The following FBXO38 variants were observed in gnomAD, a reference collection of about 807,000 sequenced individuals.
FBXO38 encodes F-box only protein 38.
A neutral mutation model predicts 131.9 loss-of-function variants in FBXO38; 53 were observed. The observed-to-expected ratio is 0.40, with a 90% CI of 0.32 to 0.51. The LOEUF (loss-of-function observed/expected upper bound fraction) is 0.51. Among genes scored for constraint, FBXO38 ranks in the 20% least tolerant of loss-of-function variants. The pLI is 0.53. For synonymous variants in FBXO38, 452 were observed against 505.6 expected (o/e 0.89, Z 1.42); for missense variants, 1,076 against 1,475.6 (o/e 0.73, Z 4.44).
chr5:148,441,825 G>T, intron 21 of FBXO38, 144 bp from the exon 22 acceptor site: 1 of 565,796 alleles, frequency 1.8e-6, no homozygotes, highest in Non-Finnish European at 2.9e-6. Context: ...GAACAAACTG[G>T]TGGTGACCCA....
intron 4 of FBXO38, 57 bp from the exon 5 acceptor site, chr5:148,402,291 A>C: frequency 6.4e-7 from 1 of 1,560,760 alleles, no homozygotes; most frequent in Non-Finnish European, 8.7e-7. Context: ...TGGTACATAA[A>C]GCTTTGGATG....
chr5:148,409,883 C>G (rs1752651195), intron 8 of FBXO38, among the ~76,000 whole-genome samples: 1 of 152,162 alleles, frequency 6.6e-6, no homozygotes, highest in Admixed American at 6.5e-5. Flanking sequence ...GAATTATACT[C>G]TTTGTTAAAA....
At chr5:148,388,453 T>C (rs1758031063) in intron 1 of FBXO38, among the ~76,000 whole-genome samples, 1 of 152,238 alleles carries the variant, frequency 6.6e-6, no homozygotes, top group Admixed American at 6.5e-5. Context: ...ATTATTCCAA[T>C]GGAAGGCTGT....
At chr5:148,421,717 A>G (rs1753446950) in intron 12 of FBXO38, among the ~76,000 whole-genome samples, 1 of 152,202 alleles carries the variant, frequency 6.6e-6, no homozygotes, top group Non-Finnish European at 1.5e-5. Flanking sequence ...ATTTTCCAAC[A>G]AAGGAAAAAA....
At position 148,416,063 on chromosome 5, in the gene FBXO38, C is replaced by A; in HGVS notation, c.1400C>A (p.Pro467Gln). 1.3e-6 allele frequency: 2 copies of A among 1,579,162 alleles called. No individual in the cohort carries two copies. The highest frequency in any genetic ancestry group is 1.8e-5 in the Admixed American group (1 of 55,300). ...FISLDQMFREPPKGCARVGLS... is the reference protein window; with the variant it reads ...FISLDQMFREQPKGCARVGLS... Reference sequence around the variant, plus strand: ...TCACTGGATCAGATGTTTCGTGAACCACCCAAGGTAAGATACATTTGAGGG... The same window carrying A: ...TCACTGGATCAGATGTTTCGTGAACAACCCAAGGTAAGATACATTTGAGGG... Residue 467 changes from proline to glutamine, a missense_variant, in exon 11 of 22, where the codon CCA (proline) becomes CAA (glutamine). Transcript: ENST00000340253.
intron 2 of FBXO38, among the ~76,000 whole-genome samples, chr5:148,395,460 A>G (rs1203655355): frequency 7.4e-6 from 1 of 134,266 alleles, no homozygotes; most frequent in Non-Finnish European, 1.5e-5. Context: ...CCCAAACCGC[A>G]TTATAACAAC....
chr5:148,399,322 T>C (rs1229521080), intron 3 of FBXO38, 190 bp downstream of exon 3: 2 of 600,034 alleles, frequency 3.3e-6, no homozygotes, highest in African/African-American at 1.9e-5. Context: ...TTTATTGTTT[T>C]AATAGTCTGC....
chr5:148,384,663 T>C (rs1757818744), intron 1 of FBXO38: 1 of 152,268 alleles, frequency 6.6e-6, no homozygotes, highest in Non-Finnish European at 1.5e-5. Context: ...AACTCCCTTT[T>C]CATGGAGTCT....
At chr5:148,401,955 G>T in intron 3 of FBXO38, 27 bp from the exon 4 acceptor site, 3 of 1,558,864 alleles carry the variant, frequency 1.9e-6, no homozygotes, top group Non-Finnish European at 2.6e-6. Flanking sequence ...AGATGAACCT[G>T]GCTCTAAATA....
chr5:148,405,387 A>C (rs1463455395), intron 6 of FBXO38, among the ~76,000 whole-genome samples: 3 of 152,040 alleles, frequency 2.0e-5, no homozygotes, highest in Non-Finnish European at 4.4e-5. Flanking sequence ...TAATATCAAG[A>C]CAATTTTTCC....
Position 148,429,771 on chromosome 5 carries a change from C to T in FBXO38, c.2653+1824C>T, listed in dbSNP as rs186587600. Among the ~76,000 whole-genome samples, 55 of 152,078 alleles carry T rather than the reference C, an allele frequency of 3.6e-4. No individual in the cohort carries two copies. In the East Asian group the frequency reaches 0.01, roughly 28 times the overall value. On this transcript the variant is annotated intron_variant, in intron 15 of 21. Transcript: ENST00000340253. ...TTTAATACAGAGCCTTCATATTAGC[C>T]ATTGAAGTTTTGATGTTATTTTTTG...
chr5:148,411,618 GT>G (rs1752759019), intron 9 of FBXO38, among the ~76,000 whole-genome samples: 1 of 152,040 alleles, frequency 6.6e-6, no homozygotes, highest in South Asian at 2.1e-4. Flanking sequence ...TACAATAATA[GT>G]TGTGGGTTTT....
rs1753569694 is a variant in FBXO38 at position 148,423,808 on chromosome 5, C to T, written c.1619-190C>T. The T allele has an allele frequency of 6.3e-6, 3 of 474,202 alleles. No individual in the cohort carries two copies. The Admixed American group carries it at 1.2e-4, about 18-fold the overall frequency. 29.4% of individuals were successfully genotyped at this position (474,202 alleles called of 1,614,324 possible). On this transcript the variant is annotated intron_variant, in intron 12 of 21. Coordinates refer to ENST00000340253, the MANE Select transcript of FBXO38 (RefSeq NM_205836.3). ...TCCTTTCCCATCTGTGATTTTCTCT[C>T]CTGTAGACTGATTAAATACTTCTTA...
chr5:148,417,421 C>G (rs1367304369), intron 12 of FBXO38, among the ~76,000 whole-genome samples: 1 of 152,150 alleles, frequency 6.6e-6, no homozygotes, highest in Non-Finnish European at 1.5e-5. Context: ...AGAATACCTA[C>G]AGAATGGGAA....
chr5:148,438,645 T>TTA, intron 18 of FBXO38, 147 bp downstream of exon 18: 2 of 770,070 alleles, frequency 2.6e-6, no homozygotes, highest in Non-Finnish European at 4.1e-6. Context: ...AGGTTATGTA[T>TTA]GATATAGGGA....
At chr5:148,402,619 G>A (rs1752219769) in intron 5 of FBXO38, 106 bp downstream of exon 5, 7 of 992,930 alleles carry the variant, frequency 7.0e-6, no homozygotes, top group African/African-American at 1.6e-5. Context: ...TTTGTTGATT[G>A]ATGATTGCAA....
At chr5:148,438,122 A>G (rs1244931252) in intron 17 of FBXO38, among the ~76,000 whole-genome samples, 3 of 152,330 alleles carry the variant, frequency 2.0e-5, no homozygotes, top group South Asian at 2.1e-4. Flanking sequence ...GTAAAATCTT[A>G]GAAAAAGGCA....
intron 20 of FBXO38, 108 bp from the exon 21 acceptor site, chr5:148,441,016 T>A: frequency 6.5e-6 from 5 of 764,004 alleles, no homozygotes; most frequent in Middle Eastern, 2.3e-4. Flanking sequence ...TGAGGACACC[T>A]GACTCACTCT....
chr5:148,405,364 C>T (rs867383274), intron 6 of FBXO38, among the ~76,000 whole-genome samples: 1 of 152,212 alleles, frequency 6.6e-6, no homozygotes, highest in Middle Eastern at 3.4e-3. Context: ...CTTTCCTGCT[C>T]ATCAGCTATC....
Sources: allele counts gnomAD v4.1 joint callset (sites outside exome capture counted in the v4.1 genomes callset), GRCh38; gene constraint gnomAD v4.1.1; transcripts MANE v1.5; gene names NCBI Gene and HGNC (gene_info 2026-07-23, HGNC 2026-07-21).